Variants in DNAH14 observed in about 807,000 individuals in gnomAD.
DNAH14 encodes the protein axonemal beta dynein heavy chain 14.
Under a neutral mutation model 520.9 loss-of-function variants are expected in DNAH14, and 478 were observed. That is an observed-to-expected ratio of 0.92 (90% CI 0.85 to 0.99). The LOEUF (loss-of-function observed/expected upper bound fraction) is 0.99. Ranked by LOEUF, DNAH14 falls within the 50% of genes least tolerant of loss-of-function variation. DNAH14 has a pLI of 0.00. For synonymous variants in DNAH14, 1,581 were observed against 1,757.2 expected, an observed-to-expected ratio of 0.90 and a Z score of 2.51; for missense variants, 4,831 against 5,234.5, an observed-to-expected ratio of 0.92 and a Z score of 2.38.
At chr1:224,948,238 A>T (rs1217362329) in intron 1 of DNAH14, among the ~76,000 whole-genome samples, 2 of 151,626 alleles carry the variant, frequency 1.3e-5, no homozygotes, top group East Asian at 3.9e-4. Flanking sequence ...TTTGCATTCC[A>T]TATTTAGAAA....
rs369062643 is a variant in DNAH14 at position 225,377,350 on chromosome 1, G to T, written c.12630G>T (p.Arg4210Ser). ...TAGGAATACACCCAGAGGCCATCAG[G>T]AGCTGCTGGGAGACCCAGGGCGAAA... Reference protein sequence around the residue: ...EVLGIHPEAIRSCWETQGEKF... With the variant: ...EVLGIHPEAISSCWETQGEKF... The change falls in exon 79 of 86, where the codon AGG becomes AGT. Residue 4210 changes from arginine to serine, a missense_variant. Physicochemically the swap from Arg to Ser is moderately radical, Grantham distance 110. Transcript: ENST00000682510. 21 of 1,550,952 alleles carry T rather than the reference G, an allele frequency of 1.4e-5. No individual in the cohort carries two copies. In the Admixed American group the frequency reaches 3.9e-4, roughly 29 times the overall value.
chr1:225,063,459 G>C (rs2070444440), intron 17 of DNAH14, among the ~76,000 whole-genome samples: 1 of 152,136 alleles, frequency 6.6e-6, no homozygotes, highest in Admixed American at 6.5e-5. Flanking sequence ...TTGAATCTAT[G>C]GATGCGAAAG....
chr1:225,138,654 C>A (rs1368963539), intron 27 of DNAH14, among the ~76,000 whole-genome samples: 1 of 152,170 alleles, frequency 6.6e-6, no homozygotes, highest in Non-Finnish European at 1.5e-5. Flanking sequence ...AGGGGATCTC[C>A]TGCTCCACAG....
In DNAH14 at chr1:225,082,514, ATATTATAAGCCTACT is replaced by A; in HGVS notation, c.3137-34_3137-20del. On this transcript the variant is annotated intron_variant, in intron 19 of 85. Coordinates refer to ENST00000682510, the MANE Select transcript of DNAH14 (RefSeq NM_001367479.1). ...TTTTTGGTTAAAAAATATAATGAAC[ATATTATAAGCCTACT>A]GACCCATTGTTATTTATAGGTTTAC... 7.2e-7 allele frequency: 1 copy of A among 1,382,962 alleles called. No homozygotes were observed. Among genetic ancestry groups the A allele is most frequent in the East Asian group, 2.7e-5 (1 of 37,234 alleles). The allele number at this position is 1,382,962 out of a possible 1,614,324, so 85.7% of individuals were successfully genotyped here. A position where few individuals can be genotyped will look rare whatever the true frequency, so the allele number is the denominator to read the frequency against.
At chr1:225,354,372 T>TA (rs891311558) in intron 73 of DNAH14, 79 of 649,638 alleles carry the variant, frequency 1.2e-4, no homozygotes, top group Non-Finnish European at 1.4e-5. Flanking sequence ...AATAAAAGGA[T>TA]ATTTTTGCCC....
intron 71 of DNAH14, among the ~76,000 whole-genome samples, chr1:225,347,139 C>T (rs2095297585): frequency 6.6e-6 from 1 of 152,160 alleles, no homozygotes; most frequent in Non-Finnish European, 1.5e-5. Flanking sequence ...TTTATCATCT[C>T]AATTTTTAAG....
chr1:224,944,067 G>A (rs1164970650), intron 1 of DNAH14, among the ~76,000 whole-genome samples: 2 of 152,122 alleles, frequency 1.3e-5, no homozygotes, highest in African/African-American at 4.8e-5. Flanking sequence ...TTTCTGTCTT[G>A]TTGATGTGTC....
At chr1:225,024,964 T>C (rs2065983584) in intron 11 of DNAH14, among the ~76,000 whole-genome samples, 3 of 152,150 alleles carry the variant, frequency 2.0e-5, no homozygotes. Flanking sequence ...TGTTTTTCCA[T>C]TGTTGTAATC....
At chr1:225,283,332 G>A (rs1448008017) in intron 54 of DNAH14, among the ~76,000 whole-genome samples, 1 of 151,816 alleles carries the variant, frequency 6.6e-6, no homozygotes, top group East Asian at 1.9e-4. Context: ...ATGAAAGGAT[G>A]GAGAAAAATA....
chr1:224,975,414 G>A (rs1358566615), intron 8 of DNAH14, among the ~76,000 whole-genome samples: 2 of 151,922 alleles, frequency 1.3e-5, no homozygotes, highest in Admixed American at 1.3e-4. Context: ...GCCTGTTATT[G>A]GTCTATTCAG....
chr1:225,217,327 C>T (rs1004896086), intron 41 of DNAH14, among the ~76,000 whole-genome samples: 14 of 152,286 alleles, frequency 9.2e-5, no homozygotes, highest in African/African-American at 3.1e-4. Flanking sequence ...GAGGTGTCTC[C>T]CAGTTAGGCT....
intron 54 of DNAH14, among the ~76,000 whole-genome samples, chr1:225,278,331 CA>C (rs1229115555): frequency 6.6e-6 from 1 of 152,192 alleles, no homozygotes; most frequent in Non-Finnish European, 1.5e-5. Flanking sequence ...GTCACTTTTT[CA>C]TCACTTGTCA....
At chr1:225,018,046 G>A (rs1178741495) in intron 10 of DNAH14, among the ~76,000 whole-genome samples, 1 of 152,112 alleles carries the variant, frequency 6.6e-6, no homozygotes, top group African/African-American at 2.4e-5. Context: ...TAGCTCTCCA[G>A]GAAAGGTTCT....
At chr1:224,994,372 A>G (rs180677711) in intron 8 of DNAH14, among the ~76,000 whole-genome samples, 24 of 152,134 alleles carry the variant, frequency 1.6e-4, no homozygotes, top group African/African-American at 5.5e-4. Flanking sequence ...TTGGGTGTGT[A>G]TATAGTTATG....
intron 17 of DNAH14, among the ~76,000 whole-genome samples, chr1:225,076,228 G>C (rs1558875573): frequency 6.6e-6 from 1 of 152,174 alleles, no homozygotes; most frequent in Non-Finnish European, 1.5e-5. Flanking sequence ...CCAACATGTG[G>C]GCCTCAAAAC....
At chr1:225,331,598 A>C in intron 65 of DNAH14, 21 bp downstream of exon 65, 1 of 1,551,114 alleles carries the variant, frequency 6.4e-7, no homozygotes, top group Non-Finnish European at 8.7e-7. Context: ...CTTTGGTCTT[A>C]TATCTCGTCC....
At chr1:225,190,859 C>T (rs1435054049) in intron 37 of DNAH14, among the ~76,000 whole-genome samples, 2 of 151,818 alleles carry the variant, frequency 1.3e-5, no homozygotes, top group Non-Finnish European at 2.9e-5. Context: ...TTTAAGTTAC[C>T]CAGACTGTGG....
chr1:225,034,860 C>T (rs566424235), intron 11 of DNAH14, among the ~76,000 whole-genome samples: 3 of 151,902 alleles, frequency 2.0e-5, no homozygotes, highest in Non-Finnish European at 4.4e-5. Flanking sequence ...TTTGTGTGCA[C>T]GGAGGTGTTT....
chr1:225,335,148 T>TGC (rs2094903719), intron 66 of DNAH14, among the ~76,000 whole-genome samples: 6 of 142,946 alleles, frequency 4.2e-5, no homozygotes, highest in Admixed American at 1.4e-4. Flanking sequence ...TGCACATGTG[T>TGC]ACATGTGTGC....
Sources: gnomAD v4.1 joint callset for allele counts (sites outside exome capture counted in the v4.1 genomes callset) on GRCh38, gnomAD v4.1.1 for gene constraint, MANE v1.5 for transcripts, NCBI Gene and HGNC (gene_info 2026-07-23, HGNC 2026-07-21) for gene names.